CDC14B: variants seen among roughly 807,000 people sequenced by gnomAD.
CDC14B encodes the protein cell division cycle 14B, also known as dual specificity protein phosphatase CDC14B.
A neutral mutation model predicts 64.2 loss-of-function variants in CDC14B; 22 were observed. That is an observed-to-expected ratio of 0.34 (90% CI 0.24 to 0.49). The LOEUF (loss-of-function observed/expected upper bound fraction) is 0.49, where lower values mean the gene tolerates loss of function less well. Ranked by LOEUF, CDC14B falls within the 20% of genes least tolerant of loss-of-function variation. The pLI, the probability that CDC14B is intolerant of heterozygous loss-of-function variation, is 0.99. For missense variants in CDC14B, 498 were observed against 629.9 expected (o/e 0.79, Z 2.24); for synonymous variants, 191 against 215.8 (o/e 0.89, Z 1.01).
intron 1 of CDC14B, among the ~76,000 whole-genome samples, chr9:96,571,421 G>A (rs925477662): frequency 7.2e-5 from 11 of 152,042 alleles, no homozygotes; most frequent in African/African-American, 1.9e-4. Flanking sequence ...TGATCCGCCC[G>A]CCTCGGCCTC....
chr9:96,566,820 T>A, intron 1 of CDC14B: 1 of 1,604,426 alleles, frequency 6.2e-7, no homozygotes, highest in Non-Finnish European at 8.5e-7. Flanking sequence ...GGCTCATGAC[T>A]CCAAAGCATC....
intron 1 of CDC14B, among the ~76,000 whole-genome samples, chr9:96,589,804 C>T (rs1224898613): frequency 6.6e-6 from 1 of 151,222 alleles, no homozygotes; most frequent in East Asian, 1.9e-4. Flanking sequence ...TAAAAAAATA[C>T]AAAAAAATTA....
At chr9:96,589,970 A>G (rs1249055127) in intron 1 of CDC14B, among the ~76,000 whole-genome samples, 2 of 152,134 alleles carry the variant, frequency 1.3e-5, no homozygotes, top group Non-Finnish European at 2.9e-5. Context: ...CAAAAAAAAA[A>G]AAAAAGTTTT....
At chr9:96,602,352 ACGT>A (rs1193555261) in intron 1 of CDC14B, among the ~76,000 whole-genome samples, 1 of 147,072 alleles carries the variant, frequency 6.8e-6, no homozygotes, top group Non-Finnish European at 1.5e-5. Context: ...AAAAAGAATT[ACGT>A]CTGTATTTTC....
At chr9:96,544,162 A>G (rs183387782) in intron 5 of CDC14B, among the ~76,000 whole-genome samples, 1 of 152,224 alleles carries the variant, frequency 6.6e-6, no homozygotes, top group Non-Finnish European at 1.5e-5. Flanking sequence ...GGTTGCAATG[A>G]GCCAAGATCG....
At chr9:96,618,587 T>G (rs770933215) in intron 1 of CDC14B, 1 of 533,196 alleles carries the variant, frequency 1.9e-6, no homozygotes, top group South Asian at 1.4e-5. Context: ...ACCTTCCTTC[T>G]CGAGGCCCCG....
At position 96,515,852 on chromosome 9, in the gene CDC14B, G is replaced by A. The variant is rs191430233; in HGVS notation, c.1344-6063C>T. The A allele has an allele frequency of 1.4e-4, 211 of 1,462,706 alleles. No individual in the cohort carries two copies. Among genetic ancestry groups the A allele is most frequent in the Admixed American group, 4.3e-4 (20 of 46,744 alleles). 90.6% of individuals were successfully genotyped at this position (1,462,706 alleles called of 1,614,324 possible). ...AAATTGGGAAGCCAAAATAAATTAC[G>A]CAATCATCAATCAATCAAGCCATAT... On this transcript the variant is annotated intron_variant, in intron 12 of 13. Transcript: ENST00000375241. This position sits in a 1 kb window ranked among gnomAD's most constrained non-coding sequence, Gnocchi z 4.3.
chr9:96,579,877 C>T (rs1251262600), intron 1 of CDC14B, among the ~76,000 whole-genome samples: 1 of 152,068 alleles, frequency 6.6e-6, no homozygotes, highest in Non-Finnish European at 1.5e-5. Flanking sequence ...GTGAGGCGGA[C>T]AGAGGAATGC....
chr9:96,507,418 TGA>T (rs1337927372), intron 13 of CDC14B, among the ~76,000 whole-genome samples: 3 of 151,828 alleles, frequency 2.0e-5, no homozygotes, highest in African/African-American at 7.3e-5. Flanking sequence ...GCTTTTTATT[TGA>T]TTTTTTTTTT....
At chr9:96,557,353 T>TA (rs1842629472) in intron 4 of CDC14B, among the ~76,000 whole-genome samples, 1 of 152,218 alleles carries the variant, frequency 6.6e-6, no homozygotes, top group Admixed American at 6.5e-5. Flanking sequence ...GGAAGGGTGT[T>TA]ATGACCTCAT....
intron 13 of CDC14B, among the ~76,000 whole-genome samples, chr9:96,493,589 G>A (rs1343599066): frequency 1.3e-5 from 2 of 152,174 alleles, no homozygotes; most frequent in Non-Finnish European, 2.9e-5. Context: ...TAATACTTTG[G>A]GAGGCTGAGG....
At chr9:96,597,738 A>G (rs1846181735) in intron 1 of CDC14B, among the ~76,000 whole-genome samples, 1 of 152,216 alleles carries the variant, frequency 6.6e-6, no homozygotes, top group Admixed American at 6.5e-5. Flanking sequence ...CTGTATTTAT[A>G]CAATGGAATG....
chr9:96,495,883 C>T (rs1281165686), downstream of CDC14B, among the ~76,000 whole-genome samples: 4 of 152,304 alleles, frequency 2.6e-5, no homozygotes, highest in East Asian at 1.9e-4. Context: ...GCCTTCCACA[C>T]GGCATCTGTA....
rs202193145 is a variant in CDC14B at position 96,551,111 on chromosome 9, C to CTTT, written c.497+682_497+684dup. Among the ~76,000 whole-genome samples the CTTT allele has an allele frequency of 3.6e-3, 338 of 93,272 alleles. 37 individuals are homozygous for CTTT. Among genetic ancestry groups the CTTT allele is most frequent in the African/African-American group, 0.012 (235 of 20,362 alleles). The allele number at this position is 93,272 out of a possible 152,430, so 61.2% of individuals were successfully genotyped here. On this transcript the variant is annotated intron_variant, in intron 5 of 13. Coordinates refer to ENST00000375241, the MANE Select transcript of CDC14B (RefSeq NM_033331.4). ...TACAAAGCCTAGGTTTTGGGGTTTG[C>CTTT]TTTTTTTTTTTTTTTTTTTGAGACA...
chr9:96,565,033 A>T (rs984077379), intron 2 of CDC14B, among the ~76,000 whole-genome samples, 181 bp from the exon 3 acceptor site: 1 of 152,200 alleles, frequency 6.6e-6, no homozygotes, highest in Non-Finnish European at 1.5e-5. Flanking sequence ...ATGCCTACTT[A>T]AAAATGCCAC....
intron 1 of CDC14B, among the ~76,000 whole-genome samples, chr9:96,609,663 A>T (rs1345917502): frequency 1.3e-5 from 2 of 152,260 alleles, no homozygotes; most frequent in Non-Finnish European, 2.9e-5. Flanking sequence ...CAGAATTTGT[A>T]ATGATAGTAT....
rs113742651 is a variant in CDC14B at position 96,533,278 on chromosome 9, T to G, written c.946+649A>C. 7.4e-3 allele frequency among the ~76,000 whole-genome samples: 1,128 copies of G among 152,338 alleles called. 21 individuals are homozygous for G. The highest frequency in any genetic ancestry group is 0.025 in the African/African-American group (1,049 of 41,572). ...GCCACCATGCCCGGCCTGGATTTAT[T>G]TCTTCCCTTTGAATAGGCTATACTT... On this transcript the variant is annotated intron_variant, in intron 9 of 13. Transcript: ENST00000375241.
At chr9:96,564,903 A>G in intron 2 of CDC14B, 51 bp from the exon 3 acceptor site, 1 of 1,224,544 alleles carries the variant, frequency 8.2e-7, no homozygotes, top group Non-Finnish European at 1.2e-6. Flanking sequence ...TGCTCTGAAT[A>G]TAAATGCCTT....
At chr9:96,523,070 A>C (rs1836989742) in intron 11 of CDC14B, among the ~76,000 whole-genome samples, 191 bp downstream of exon 11, 1 of 152,212 alleles carries the variant, frequency 6.6e-6, no homozygotes, top group African/African-American at 2.4e-5. Context: ...AGTAAAACAT[A>C]GTTTTATGGA....
Sources: gnomAD v4.1 joint callset for allele counts (sites outside exome capture counted in the v4.1 genomes callset) on GRCh38, gnomAD v4.1.1 for gene constraint, Gnocchi (gnomAD v3.1) non-coding constraint, MANE v1.5 for transcripts, NCBI Gene and HGNC (gene_info 2026-07-23, HGNC 2026-07-21) for gene names.